HMCES: variants seen among roughly 807,000 people sequenced by gnomAD.
HMCES encodes abasic site processing protein HMCES.
A neutral mutation model predicts 35.1 loss-of-function variants in HMCES; 27 were observed. The ratio of observed to expected loss-of-function variants is 0.77; its 90% CI spans 0.57 to 1.06. HMCES has a LOEUF of 1.06. Ranked by LOEUF, HMCES falls within the 50% of genes least tolerant of loss-of-function variation. The pLI, the probability that HMCES is intolerant of heterozygous loss-of-function variation, is 0.00. For missense variants in HMCES, 391 were observed against 430.4 expected (o/e 0.91, Z 0.81); for synonymous variants, 130 against 154.7 (o/e 0.84, Z 1.18).
intron 5 of HMCES, among the ~76,000 whole-genome samples, chr3:129,298,765 ATGT>A (rs1301495748): frequency 6.6e-6 from 1 of 152,228 alleles, no homozygotes; most frequent in African/African-American, 2.4e-5. Context: ...AACACTTAAA[ATGT>A]TGTCAGTGAC....
intron 3 of HMCES, among the ~76,000 whole-genome samples, chr3:129,289,695 G>T (rs7430194): frequency 0.018 from 2,689 of 152,062 alleles, 76 homozygotes; most frequent in East Asian, 0.11. Flanking sequence ...GCATTCTATG[G>T]GTTACACAGA....
At chr3:129,292,970 C>A (rs1236854879) in intron 4 of HMCES, among the ~76,000 whole-genome samples, 1 of 152,142 alleles carries the variant, frequency 6.6e-6, no homozygotes, top group Non-Finnish European at 1.5e-5. Flanking sequence ...GCAGTTATCT[C>A]TTCCTGCCTC....
At chr3:129,297,850 G>T (rs1194177092) in intron 4 of HMCES, among the ~76,000 whole-genome samples, 1 of 152,112 alleles carries the variant, frequency 6.6e-6, no homozygotes, top group Non-Finnish European at 1.5e-5. Flanking sequence ...ATATTATCCA[G>T]CTTTTTTCTT....
chr3:129,288,935 A>G lies in HMCES; in HGVS notation c.265A>G (p.Lys89Glu). ...TTGGTTCAAAGAAAGTGATCCTTCC[A>G]AGCTGCAGTTCAATACTACCAACTG... Reference protein sequence around the residue: ...PSWFKESDPSKLQFNTTNCRS... With the variant: ...PSWFKESDPSELQFNTTNCRS... The change falls in exon 3 of 7, where the codon AAG becomes GAG. Residue 89 changes from lysine (K) to glutamate (E), a missense_variant. By Grantham distance (56) the Lys-to-Glu change is moderately conservative. Coordinates refer to ENST00000383463, the MANE Select transcript of HMCES (RefSeq NM_020187.3). The G allele has an allele frequency of 6.2e-7, 1 of 1,603,624 alleles. No individual in the cohort carries two copies. Among genetic ancestry groups the G allele is most frequent in the Non-Finnish European group, 8.5e-7 (1 of 1,171,706 alleles).
In HMCES at chr3:129,305,369, T is replaced by G. The variant is rs2071221786; in HGVS notation, c.*544T>G. ...TACTTGGTTTCTTCTAGAATCAGTC[T>G]TCAGGAATGGATTTTGTCACAAATG... On this transcript the variant is annotated 3_prime_UTR_variant, in exon 7 of 7. Coordinates refer to ENST00000383463, the MANE Select transcript of HMCES (RefSeq NM_020187.3). The G allele has an allele frequency of 6.6e-6, 1 of 152,372 alleles. No individual in the cohort carries two copies. The highest frequency in any genetic ancestry group is 1.5e-5 in the Non-Finnish European group (1 of 68,170). 9.4% of individuals were successfully genotyped at this position (152,372 alleles called of 1,614,324 possible). A position where few individuals can be genotyped will look rare whatever the true frequency, so the allele number is the denominator to read the frequency against.
intron 2 of HMCES, among the ~76,000 whole-genome samples, chr3:129,283,052 C>T (rs756581304): frequency 7.2e-5 from 11 of 152,224 alleles, no homozygotes; most frequent in Non-Finnish European, 1.3e-4. Flanking sequence ...CTATTCTGGG[C>T]GTTGTAGAGC....
chr3:129,303,620 T>C (rs551667258), intron 6 of HMCES, among the ~76,000 whole-genome samples: 1 of 152,322 alleles, frequency 6.6e-6, no homozygotes, highest in African/African-American at 2.4e-5. Flanking sequence ...TTCAAAGTCA[T>C]GTAAGCACTT....
Position 129,288,853 on chromosome 3 carries a change from G to A in HMCES, c.184-1G>A. 6.6e-7 allele frequency: 1 copy of A among 1,515,318 alleles called. No individual in the cohort carries two copies. The highest frequency in any genetic ancestry group is 9.0e-7 in the Non-Finnish European group (1 of 1,112,990). 93.9% of individuals were successfully genotyped at this position (1,515,318 alleles called of 1,614,324 possible). A position where few individuals can be genotyped will look rare whatever the true frequency, so the allele number is the denominator to read the frequency against. On this transcript the variant is annotated splice_acceptor_variant, in intron 2 of 6. Coordinates refer to ENST00000383463, the MANE Select transcript of HMCES (RefSeq NM_020187.3). LOFTEE classifies it high-confidence loss of function. ...CTCACTAGATCTTCTCTCCGTGGCA[G>A]GATGCAGACTCATCTGAGCGTATCA...
chr3:129,299,350 G>A (rs1035828013), intron 5 of HMCES, among the ~76,000 whole-genome samples: 1 of 152,070 alleles, frequency 6.6e-6, no homozygotes, highest in African/African-American at 2.4e-5. Context: ...TCCTATGAAC[G>A]TATTTCCTTT....
intron 6 of HMCES, 92 bp from the exon 7 acceptor site, chr3:129,304,497 C>T: frequency 9.4e-7 from 1 of 1,065,016 alleles, no homozygotes; most frequent in Non-Finnish European, 1.4e-6. Flanking sequence ...TGGGTAAGTA[C>T]CTAATGCCTC....
chr3:129,281,605 C>T (rs947804391), intron 2 of HMCES, among the ~76,000 whole-genome samples: 3 of 151,928 alleles, frequency 2.0e-5, no homozygotes, highest in East Asian at 1.9e-4. Flanking sequence ...GCAGGAGAAT[C>T]GCTTGAACCC....
intron 2 of HMCES, among the ~76,000 whole-genome samples, chr3:129,286,234 T>C (rs1940634439): frequency 6.6e-6 from 1 of 152,174 alleles, no homozygotes. Context: ...AAGATGATGG[T>C]ATTAGGAGAT....
chr3:129,301,184 T>A, intron 5 of HMCES, among the ~76,000 whole-genome samples: 1 of 120,734 alleles, frequency 8.3e-6, no homozygotes, highest in East Asian at 2.5e-4. Flanking sequence ...ACAGCAAGAC[T>A]CTGTCTCAAA....
At chr3:129,284,175 CT>C in intron 2 of HMCES, among the ~76,000 whole-genome samples, 1 of 152,210 alleles carries the variant, frequency 6.6e-6, no homozygotes, top group Non-Finnish European at 1.5e-5. Flanking sequence ...GCTCTGCCTT[CT>C]TGTTTCATCT....
chr3:129,290,282 A>ATTTG (rs76521292), intron 3 of HMCES, among the ~76,000 whole-genome samples: 36,996 of 150,428 alleles, frequency 0.25, 7,571 homozygotes, highest in African/African-American at 0.56. Flanking sequence ...TTATGTATTT[A>ATTTG]TTTGTTTGTT....
At position 129,298,453 on chromosome 3, in the gene HMCES, C is replaced by G. The variant is rs775396853; in HGVS notation, c.553C>G (p.Pro185Ala). Residue 185 changes from proline to alanine, a missense_variant, in exon 5 of 7, where the codon CCC becomes GCC. Pro to Ala is a conservative substitution (Grantham distance 27). Transcript: ENST00000383463. Reference protein sequence around the residue: ...TMAGIFDCWEPPEGGDVLYSY... With the variant: ...TMAGIFDCWEAPEGGDVLYSY... ...GGCCGGGATCTTTGACTGCTGGGAGCCCCCAGAGGGAGGAGATGTCCTGTA... is the reference window on the plus strand; with the variant it reads ...GGCCGGGATCTTTGACTGCTGGGAGGCCCCAGAGGGAGGAGATGTCCTGTA... 8 of 1,614,028 alleles carry G rather than the reference C, an allele frequency of 5.0e-6. No homozygotes were observed. The South Asian group carries it at 7.7e-5, about 16-fold the overall frequency.
intron 5 of HMCES, among the ~76,000 whole-genome samples, chr3:129,301,533 T>C (rs923813950): frequency 2.6e-5 from 4 of 152,374 alleles, no homozygotes; most frequent in Admixed American, 6.5e-5. Context: ...TCTCTGCTTT[T>C]CTGACGCATG....
rs764225326 is a variant in HMCES at position 129,305,814 on chromosome 3, A to G, written c.*989A>G. 6.6e-6 allele frequency: 1 copy of G among 152,128 alleles called. No homozygotes were observed. The highest frequency in any genetic ancestry group is 1.5e-5 in the Non-Finnish European group (1 of 68,040). 9.4% of individuals were successfully genotyped at this position (152,128 alleles called of 1,614,324 possible). A position where few individuals can be genotyped will look rare whatever the true frequency, so the allele number is the denominator to read the frequency against. Reference sequence around the variant, plus strand: ...CAGGGATCAGAAGATCGGAATTTCCACCAATCAGCGGGAAGCCTCGGCCCT... The same window carrying G: ...CAGGGATCAGAAGATCGGAATTTCCGCCAATCAGCGGGAAGCCTCGGCCCT... On this transcript the variant is annotated 3_prime_UTR_variant, in exon 7 of 7. Coordinates refer to ENST00000383463, the MANE Select transcript of HMCES (RefSeq NM_020187.3).
chr3:129,286,427 T>C (rs910194796), intron 2 of HMCES, among the ~76,000 whole-genome samples: 2 of 152,164 alleles, frequency 1.3e-5, no homozygotes, highest in Non-Finnish European at 2.9e-5. Context: ...ATAAATCATA[T>C]AGTATCACTC....
Sources: gnomAD v4.1 joint callset for allele counts (sites outside exome capture counted in the v4.1 genomes callset) on GRCh38, gnomAD v4.1.1 for gene constraint, MANE v1.5 for transcripts, NCBI Gene and HGNC (gene_info 2026-07-23, HGNC 2026-07-21) for gene names.